Variants in TDRD12 observed in about 807,000 individuals in gnomAD.
TDRD12 encodes the protein tudor domain containing 12, also known as putative ATP-dependent RNA helicase TDRD12.
TDRD12 carries 158 observed loss-of-function variants against 133.5 expected under a neutral mutation model. The ratio of observed to expected loss-of-function variants is 1.18; its 90% CI spans 1.04 to 1.35. TDRD12 has a LOEUF of 1.35. Among genes scored for constraint, TDRD12 ranks in the 40% most tolerant of loss-of-function variants. TDRD12 has a pLI of 0.00. For synonymous variants in TDRD12, 460 were observed against 477.9 expected, an observed-to-expected ratio of 0.96 and a Z score of 0.49; for missense variants, 1,443 against 1,321.3, an observed-to-expected ratio of 1.09 and a Z score of -1.43.
rs112518396 is a variant in TDRD12 at position 32,746,088 on chromosome 19, CAG to C, written c.441-2385_441-2384del. 4.1e-3 allele frequency among the ~76,000 whole-genome samples: 278 copies of C among 67,714 alleles called. 2 individuals are homozygous for C. Among genetic ancestry groups the C allele is most frequent in the African/African-American group, 0.015 (258 of 16,750 alleles). 44.4% of individuals were successfully genotyped at this position (67,714 alleles called of 152,430 possible). A position where few individuals can be genotyped will look rare whatever the true frequency, so the allele number is the denominator to read the frequency against. On this transcript the variant is annotated intron_variant, in intron 4 of 27. Coordinates refer to ENST00000444215, the Ensembl canonical transcript of TDRD12. ...GCTGATGTGGTTATTCTGTGTGTGACAGAGGGGGAGAGAGACTGGCTGATGTG... is the reference window on the plus strand; with the variant it reads ...GCTGATGTGGTTATTCTGTGTGTGACAGGGGGAGAGAGACTGGCTGATGTG...
intron 16 of TDRD12, among the ~76,000 whole-genome samples, chr19:32,799,728 C>CTTTTTT (rs71176153): frequency 4.0e-4 from 31 of 78,426 alleles, no homozygotes; most frequent in East Asian, 9.6e-4. Flanking sequence ...TAGTTTTTGC[C>CTTTTTT]TTTTTTTTTT....
At chr19:32,775,538 G>T (rs953707087) in intron 10 of TDRD12, among the ~76,000 whole-genome samples, 2 of 152,118 alleles carry the variant, frequency 1.3e-5, no homozygotes, top group African/African-American at 2.4e-5. Flanking sequence ...TCGCTATGTT[G>T]CCCTGGCTGG....
intron 27 of TDRD12, 56 bp downstream of exon 27, chr19:32,818,213 T>G (rs1448040574): frequency 1.5e-6 from 1 of 675,170 alleles, no homozygotes; most frequent in Non-Finnish European, 2.7e-6. Flanking sequence ...GGGGGCCATG[T>G]GTGAGGGGGA....
intron 4 of TDRD12, among the ~76,000 whole-genome samples, chr19:32,746,224 G>A (rs1273287944): frequency 6.7e-6 from 1 of 149,680 alleles, no homozygotes; most frequent in African/African-American, 2.5e-5. Flanking sequence ...GTGAGAGAGA[G>A]AGAGAGTCTG....
At chr19:32,812,396 G>A (rs146818360) in intron 24 of TDRD12, among the ~76,000 whole-genome samples, 2,096 of 152,358 alleles carry the variant, frequency 0.014, 31 homozygotes, top group Non-Finnish European at 0.022. Flanking sequence ...AATGGGACAT[G>A]AAATAAGTTA....
intron 25 of TDRD12, among the ~76,000 whole-genome samples, chr19:32,814,350 C>G (rs1283122175): frequency 6.6e-6 from 1 of 152,182 alleles, no homozygotes; most frequent in Non-Finnish European, 1.5e-5. Flanking sequence ...ACTCAAAGTT[C>G]TGCTGTATTA....
exon 9 of TDRD12, chr19:32,772,850 G>A: frequency 2.1e-6 from 3 of 1,413,614 alleles, no homozygotes; most frequent in Non-Finnish European, 2.8e-6. Flanking sequence ...ATACAAATAA[G>A]GTTGTATTTT....
chr19:32,742,921 C>T, intron 4 of TDRD12, 21 bp downstream of exon 4: 1 of 1,548,198 alleles, frequency 6.5e-7, no homozygotes, highest in Non-Finnish European at 8.7e-7. Flanking sequence ...TTTCTTAAGT[C>T]CTTCGAATCA....
chr19:32,753,774 C>T (rs773103813), intron 6 of TDRD12, among the ~76,000 whole-genome samples: 6 of 151,358 alleles, frequency 4.0e-5, no homozygotes, highest in Admixed American at 2.0e-4. Context: ...GTCTCGGCCT[C>T]CCAAAGTGTT....
exon 10 of TDRD12, chr19:32,827,262 G>A: frequency 3.3e-6 from 4 of 1,230,478 alleles, no homozygotes; most frequent in Non-Finnish European, 4.1e-6. Context: ...AAGAGAAGGT[G>A]AATGACGTCC....
intron 6 of TDRD12, 125 bp downstream of exon 6, chr19:32,749,994 G>T (rs756226423): frequency 8.9e-6 from 6 of 673,866 alleles, no homozygotes; most frequent in Non-Finnish European, 1.4e-5. Flanking sequence ...ATCTCTTAAG[G>T]TCTATCTTAG....
downstream of TDRD12, among the ~76,000 whole-genome samples, chr19:32,825,478 G>A (rs1448377552): frequency 2.0e-5 from 3 of 152,204 alleles, no homozygotes; most frequent in Non-Finnish European, 4.4e-5. The surrounding 1 kb of genome is among the most constrained non-coding windows in gnomAD (Gnocchi z 4.1). Flanking sequence ...AGAGAAGCCT[G>A]CATGTTTGTA....
Position 32,793,118 on chromosome 19 carries a change from G to A in TDRD12, c.1288-1510G>A, listed in dbSNP as rs143671804. ...TGAAAATCTCTTGAACCTGGGAGGC[G>A]GAGGTTGCAGTGAGCCAAGATCGTG... On this transcript the variant is annotated intron_variant, in intron 13 of 27. Coordinates refer to ENST00000444215, the Ensembl canonical transcript of TDRD12. Among the ~76,000 whole-genome samples, 1,185 of 152,084 alleles carry A rather than the reference G, an allele frequency of 7.8e-3. 16 individuals are homozygous for A. The highest frequency in any genetic ancestry group is 0.027 in the African/African-American group (1,115 of 41,476).
At chr19:32,728,080 C>G (rs1415993825) in intron 1 of TDRD12, among the ~76,000 whole-genome samples, 1 of 152,146 alleles carries the variant, frequency 6.6e-6, no homozygotes, top group East Asian at 1.9e-4. Flanking sequence ...GACTAGACCA[C>G]AAGGGTTTAT....
At chr19:32,805,952 G>A (rs538558090) in intron 21 of TDRD12, among the ~76,000 whole-genome samples, 2 of 151,998 alleles carry the variant, frequency 1.3e-5, no homozygotes, top group South Asian at 2.1e-4. Flanking sequence ...GGCTCATTTC[G>A]AACTCCTGAC....
At chr19:32,766,242 TTGTGGGC>T (rs1970292656) in intron 8 of TDRD12, among the ~76,000 whole-genome samples, 1 of 152,214 alleles carries the variant, frequency 6.6e-6, no homozygotes, top group African/African-American at 2.4e-5. Flanking sequence ...TTTAAAATTT[TTGTGGGC>T]ACATAGTAGG....
At chr19:32,798,557 T>C (rs4805811) in intron 16 of TDRD12, 122 bp downstream of exon 16, 108,644 of 649,578 alleles carry the variant, frequency 0.17, 9,470 homozygotes, top group East Asian at 0.32. Context: ...AAAAATTTTA[T>C]GCTTTAACTT....
intron 16 of TDRD12, among the ~76,000 whole-genome samples, chr19:32,799,373 C>T (rs1318880652): frequency 1.3e-5 from 2 of 152,218 alleles, no homozygotes; most frequent in African/African-American, 4.8e-5. Flanking sequence ...AGGCTCTCCA[C>T]ACCCCTGCCA....
intron 10 of TDRD12, among the ~76,000 whole-genome samples, chr19:32,775,130 C>T (rs1043263285): frequency 3.9e-5 from 6 of 151,974 alleles, no homozygotes; most frequent in African/African-American, 1.5e-4. Flanking sequence ...AATCTTTTTC[C>T]TCTCCTTTTA....
Sources: gnomAD v4.1 joint callset for allele counts (sites outside exome capture counted in the v4.1 genomes callset) on GRCh38, gnomAD v4.1.1 for gene constraint, Gnocchi (gnomAD v3.1) non-coding constraint, MANE v1.5 for transcripts, NCBI Gene and HGNC (gene_info 2026-07-23, HGNC 2026-07-21) for gene names.